The following QSOX2 variants were observed in gnomAD, a reference collection of about 807,000 sequenced individuals.
QSOX2 encodes the protein sulfhydryl oxidase 2.
QSOX2 carries 46 observed loss-of-function variants against 61.7 expected under a neutral mutation model. The observed-to-expected ratio is 0.75, with a 90% CI of 0.59 to 0.95. QSOX2 has a LOEUF of 0.95. Among genes scored for constraint, QSOX2 ranks in the 40% least tolerant of loss-of-function variants. The probability of loss-of-function intolerance (pLI) is 0.00; values close to 1 mark genes in which losing one functional copy is unlikely to be tolerated. For missense variants in QSOX2, 879 were observed against 918.9 expected, an observed-to-expected ratio of 0.96 and a Z score of 0.56; for synonymous variants, 383 against 388.4, an observed-to-expected ratio of 0.99 and a Z score of 0.16.
chr9:136,210,813 T>C lies in QSOX2; in HGVS notation c.1549+451A>G, dbSNP rs182372056. On this transcript the variant is annotated intron_variant, in intron 11 of 11. Transcript: ENST00000358701. The stretch of plus-strand genomic sequence containing the variant: ...TTTGAAGTACTTAACTCTGAGAAAA[T>C]ACATGTGCCCTATTTAATTATTTTT... The C allele has an allele frequency of 3.9e-5, 38 of 985,006 alleles. No homozygotes were observed. The East Asian group carries it at 2.8e-3, about 74-fold the overall frequency. 61.0% of individuals were successfully genotyped at this position (985,006 alleles called of 1,614,324 possible). A position where few individuals can be genotyped will look rare whatever the true frequency, so the allele number is the denominator to read the frequency against.
chr9:136,210,464 G>A lies in QSOX2; in HGVS notation c.1549+800C>T, dbSNP rs748490973. The A allele has an allele frequency of 2.7e-5, 27 of 985,290 alleles. No individual in the cohort carries two copies. The East Asian group carries it at 4.5e-4, about 17-fold the overall frequency. 61.0% of individuals were successfully genotyped at this position (985,290 alleles called of 1,614,324 possible). A position where few individuals can be genotyped will look rare whatever the true frequency, so the allele number is the denominator to read the frequency against. ...GTCCTGGTCCCACTGCCTCAGAGCC[G>A]AGGGCTCGGGGAAAGCACAGGGAGC... On this transcript the variant is annotated intron_variant, in intron 11 of 11. Coordinates refer to ENST00000358701, the MANE Select transcript of QSOX2 (RefSeq NM_181701.4).
chr9:136,225,081 G>C (rs1830267401), intron 2 of QSOX2, among the ~76,000 whole-genome samples, 172 bp from the exon 3 acceptor site: 1 of 152,166 alleles, frequency 6.6e-6, no homozygotes, highest in Non-Finnish European at 1.5e-5. Context: ...GCATATTAAT[G>C]TTTCCTGTCA....
chr9:136,212,116 C>T (rs1178706100), intron 10 of QSOX2, among the ~76,000 whole-genome samples: 2 of 152,220 alleles, frequency 1.3e-5, no homozygotes, highest in Admixed American at 6.5e-5. Context: ...CAGGCCGGGG[C>T]GCTTCCGCAG....
rs1424948733 is a variant in QSOX2 at position 136,209,577 on chromosome 9, C to T, written c.1550-302G>A. On this transcript the variant is annotated intron_variant, in intron 11 of 11. Coordinates refer to ENST00000358701, the MANE Select transcript of QSOX2 (RefSeq NM_181701.4). This position sits in a 1 kb window ranked among gnomAD's most constrained non-coding sequence, Gnocchi z 5.6. ...TTCCCAGACCACACCTGTCCCAAAC[C>T]ACCCAGCACTCCACTTCCAAAACGG... The T allele has an allele frequency of 1.0e-6, 1 of 985,392 alleles. No homozygotes were observed. Among genetic ancestry groups the T allele is most frequent in the Non-Finnish European group, 1.2e-6 (1 of 829,918 alleles). 61.0% of individuals were successfully genotyped at this position (985,392 alleles called of 1,614,324 possible).
chr9:136,228,843 C>T (rs1474075560), intron 1 of QSOX2, among the ~76,000 whole-genome samples: 1 of 152,196 alleles, frequency 6.6e-6, no homozygotes, highest in African/African-American at 2.4e-5. Flanking sequence ...TCCGATTCTG[C>T]CCACTTGTCT....
intron 10 of QSOX2, among the ~76,000 whole-genome samples, chr9:136,214,041 T>C (rs1190301753): frequency 1.3e-5 from 2 of 152,220 alleles, no homozygotes; most frequent in East Asian, 1.9e-4. Flanking sequence ...GTAAAGGAAT[T>C]TGAGAATCTT....
At chr9:136,245,240 G>A (rs771816707) in intron 1 of QSOX2, among the ~76,000 whole-genome samples, 23 of 152,174 alleles carry the variant, frequency 1.5e-4, no homozygotes, top group Non-Finnish European at 3.1e-4. Flanking sequence ...AACTCGTCAG[G>A]ATCTAACGGG....
Position 136,219,156 on chromosome 9 carries a change from G to A in QSOX2, c.830C>T (p.Pro277Leu), listed in dbSNP as rs770259568. The A allele has an allele frequency of 6.2e-7, 1 of 1,613,612 alleles. No individual in the cohort carries two copies. The highest frequency in any genetic ancestry group is 8.5e-7 in the Non-Finnish European group (1 of 1,179,840). ...GSHGLINVVKPLRAFFSSYLK... is the reference protein window; with the variant it reads ...GSHGLINVVKLLRAFFSSYLK... ...ATAAGACGAAAAGAAGGCCCGCAGA[G>A]GCTTCACGCTGTGAGAGAGGGGAGG... Residue 277 changes from proline (P) to leucine (L), a missense_variant, in exon 7 of 12, where the codon CCT (proline) becomes CTT (leucine). Physicochemically the swap from Pro to Leu is moderately conservative, Grantham distance 98. Coordinates refer to ENST00000358701, the MANE Select transcript of QSOX2 (RefSeq NM_181701.4).
At position 136,219,316 on chromosome 9, in the gene QSOX2, C is replaced by T. The variant is rs895097468; in HGVS notation, c.822-152G>A. On this transcript the variant is annotated intron_variant, in intron 6 of 11. Coordinates refer to ENST00000358701, the MANE Select transcript of QSOX2 (RefSeq NM_181701.4). Reference sequence around the variant, plus strand: ...GTCAGTGGGAACAGCTGACACCCCGCCTGGGCTCCGGCTGCGCTTCCACCT... The same window carrying T: ...GTCAGTGGGAACAGCTGACACCCCGTCTGGGCTCCGGCTGCGCTTCCACCT... The T allele has an allele frequency of 8.7e-6, 8 of 921,020 alleles. No homozygotes were observed. In the East Asian group the frequency reaches 1.3e-4, roughly 15 times the overall value. 57.1% of individuals were successfully genotyped at this position (921,020 alleles called of 1,614,324 possible).
At chr9:136,227,741 G>A (rs1830294684) in intron 1 of QSOX2, among the ~76,000 whole-genome samples, 4 of 152,186 alleles carry the variant, frequency 2.6e-5, no homozygotes, top group Admixed American at 1.3e-4. Flanking sequence ...TTGGGAGGCC[G>A]AGGTGGGCAG....
intron 1 of QSOX2, among the ~76,000 whole-genome samples, chr9:136,239,910 T>C (rs1830421302): frequency 6.6e-6 from 1 of 152,232 alleles, no homozygotes. Flanking sequence ...AAAGATATGG[T>C]AGTCCATATT....
chr9:136,211,437 G>T lies in QSOX2; in HGVS notation c.1376C>A (p.Pro459His), dbSNP rs1430237422. Reference sequence around the variant, plus strand: ...CCTCATTGTCTGCAGCACAGCCTGGGGGTCGTCTTCAAAGCCTGCAGGGGA... The same window carrying T: ...CCTCATTGTCTGCAGCACAGCCTGGTGGTCGTCTTCAAAGCCTGCAGGGGA... ...ALVGTGFEDD[P>H]QAVLQTMRRY... Residue 459 changes from proline (P) to histidine (H), a missense_variant, in exon 11 of 12, where the codon CCC becomes CAC. Pro to His is a moderately conservative substitution (Grantham distance 77, BLOSUM62 -2). Coordinates refer to ENST00000358701, the MANE Select transcript of QSOX2 (RefSeq NM_181701.4). 1.2e-6 allele frequency: 2 copies of T among 1,613,900 alleles called. No homozygotes were observed. Among genetic ancestry groups the T allele is most frequent in the Non-Finnish European group, 1.7e-6 (2 of 1,179,836 alleles).
chr9:136,229,269 A>C (rs57892227), intron 1 of QSOX2, among the ~76,000 whole-genome samples: 2,604 of 152,256 alleles, frequency 0.017, 68 homozygotes, highest in African/African-American at 0.059. Flanking sequence ...GGAACTGAGG[A>C]AGAAGGGTTC....
At chr9:136,240,258 T>C (rs757262284) in intron 1 of QSOX2, among the ~76,000 whole-genome samples, 2 of 152,242 alleles carry the variant, frequency 1.3e-5, no homozygotes, top group Non-Finnish European at 2.9e-5. Context: ...CTATATATAG[T>C]AGATTAACAT....
At chr9:136,211,818 C>T (rs1004985302) in intron 10 of QSOX2, among the ~76,000 whole-genome samples, 11 of 152,370 alleles carry the variant, frequency 7.2e-5, no homozygotes, top group Middle Eastern at 3.4e-3. Flanking sequence ...CCAGAACGCC[C>T]GGAGTGCCGC....
intron 1 of QSOX2, among the ~76,000 whole-genome samples, chr9:136,237,855 G>C (rs970122680): frequency 3.3e-5 from 5 of 152,268 alleles, no homozygotes; most frequent in African/African-American, 1.2e-4. Context: ...AACGCAGAGT[G>C]AACATGCGTC....
chr9:136,233,705 A>C (rs1056337931), intron 1 of QSOX2, among the ~76,000 whole-genome samples: 7 of 152,216 alleles, frequency 4.6e-5, no homozygotes, highest in Non-Finnish European at 1.0e-4. Flanking sequence ...CCATGAGACG[A>C]ATCGTGCAGC....
At chr9:136,225,897 T>C (rs1830275731) in intron 2 of QSOX2, among the ~76,000 whole-genome samples, 1 of 152,120 alleles carries the variant, frequency 6.6e-6, no homozygotes, top group South Asian at 2.1e-4. Context: ...AAAATCAAAA[T>C]ACAACAGGAA....
chr9:136,239,059 G>T (rs1830414063), intron 1 of QSOX2, among the ~76,000 whole-genome samples: 1 of 152,234 alleles, frequency 6.6e-6, no homozygotes, highest in Non-Finnish European at 1.5e-5. Context: ...CCCCTGGCAG[G>T]GCCTTCACCT....
Sources: gnomAD v4.1 joint callset for allele counts (sites outside exome capture counted in the v4.1 genomes callset) on GRCh38, gnomAD v4.1.1 for gene constraint, Gnocchi (gnomAD v3.1) non-coding constraint, MANE v1.5 for transcripts, NCBI Gene and HGNC (gene_info 2026-07-23, HGNC 2026-07-21) for gene names.